Variants in HARS1 observed in about 807,000 individuals in gnomAD.
HARS1 encodes the protein histidine--tRNA ligase, cytoplasmic.
Under a neutral mutation model 63.6 loss-of-function variants are expected in HARS1, and 45 were observed. The observed-to-expected ratio is 0.71, with a 90% CI of 0.56 to 0.91. The LOEUF (loss-of-function observed/expected upper bound fraction) is 0.91. Ranked by LOEUF, HARS1 falls within the 40% of genes least tolerant of loss-of-function variation. The pLI, the probability that HARS1 is intolerant of heterozygous loss-of-function variation, is 0.00. For missense variants in HARS1, 508 were observed against 643.2 expected (o/e 0.79, Z 2.27); for synonymous variants, 205 against 247.1 (o/e 0.83, Z 1.60).
rs762066498 is a variant in HARS1 at position 140,675,112 on chromosome 5, T to C, written c.1216A>G (p.Thr406Ala). 6.2e-7 allele frequency: 1 copy of C among 1,610,964 alleles called. No homozygotes were observed. Among genetic ancestry groups the C allele is most frequent in the Non-Finnish European group, 8.5e-7 (1 of 1,177,304 alleles). ...RLEALEEKIR[T>A]TETQVLVASA... ...GCCACAAGCACCTGTGTCTCCGTGG[T>C]CCGTATCTTCTCCTCCAAAGCCTGG... Residue 406 changes from threonine (T) to alanine (A), a missense_variant, in exon 11 of 13, where the codon ACC (threonine) becomes GCC (alanine). Physicochemically the swap from Thr to Ala is moderately conservative, Grantham distance 58. Transcript: ENST00000504156.
rs937424633 is a variant in HARS1, at chr5:140,679,497, G to T, written c.396+291C>A. The T allele has an allele frequency of 3.3e-5, 14 of 418,248 alleles. No homozygotes were observed. The highest frequency in any genetic ancestry group is 3.3e-4 in the Admixed American group (8 of 24,152). 25.9% of individuals were successfully genotyped at this position (418,248 alleles called of 1,614,324 possible). On this transcript the variant is annotated intron_variant, in intron 4 of 12. Transcript: ENST00000504156. The surrounding 1 kb of genome is among the most constrained non-coding windows in gnomAD (Gnocchi z 4.3). The stretch of plus-strand genomic sequence containing the variant: ...GGGAAATGTGTTGCTAGTCCATTAA[G>T]AAGAATTTTGTTCACTGGACAGGGC...
chr5:140,679,463 T>C lies in HARS1; in HGVS notation c.396+325A>G, dbSNP rs1758589015. 5.0e-6 allele frequency: 2 copies of C among 403,110 alleles called. No homozygotes were observed. Among genetic ancestry groups the C allele is most frequent in the Non-Finnish European group, 8.8e-6 (2 of 226,694 alleles). 25.0% of individuals were successfully genotyped at this position (403,110 alleles called of 1,614,324 possible). A position where few individuals can be genotyped will look rare whatever the true frequency, so the allele number is the denominator to read the frequency against. On this transcript the variant is annotated intron_variant, in intron 4 of 12. Coordinates refer to ENST00000504156, the MANE Select transcript of HARS1 (RefSeq NM_002109.6). This position sits in a 1 kb window ranked among gnomAD's most constrained non-coding sequence, Gnocchi z 4.3. ...TAAGCAGATGATTCTCTGTGTAGCT[T>C]GGAGACAAGGGAAATGTGTTGCTAG...
chr5:140,685,667 G>T (rs1758982193), intron 2 of HARS1, among the ~76,000 whole-genome samples: 1 of 149,238 alleles, frequency 6.7e-6, no homozygotes, highest in African/African-American at 2.5e-5. Context: ...GCTGCAGTGA[G>T]CCAAGGTCAT....
chr5:140,682,872 C>A, intron 3 of HARS1: 1 of 470,590 alleles, frequency 2.1e-6, no homozygotes, highest in Non-Finnish European at 3.8e-6. Flanking sequence ...GAACAATTAC[C>A]ATTCCAAAGA....
chr5:140,691,367 G>C lies in HARS1; in HGVS notation c.-63C>G. On this transcript the variant is annotated 5_prime_UTR_variant, in exon 1 of 13. Transcript: ENST00000504156. ...GCGGTGGTTGCCCCAGCCTCAGCAA[G>C]GATGACTTCCGGCTATCGAGTCGCT... 1 of 1,275,444 alleles carries C rather than the reference G, an allele frequency of 7.8e-7. No homozygotes were observed. The highest frequency in any genetic ancestry group is 1.1e-6 in the Non-Finnish European group (1 of 913,322). The allele number at this position is 1,275,444 out of a possible 1,614,324, so 79.0% of individuals were successfully genotyped here.
Position 140,679,797 on chromosome 5 carries a change from A to G in HARS1, c.387T>C (p.Tyr129=), listed in dbSNP as rs1222947442. The change falls in exon 4 of 13, where the codon TAT becomes TAC. Residue 129 remains tyrosine (Y), a synonymous_variant. Transcript: ENST00000504156. This position sits in a 1 kb window ranked among gnomAD's most constrained non-coding sequence, Gnocchi z 4.3. The stretch of plus-strand genomic sequence containing the variant: ...AAGTTTAGAAAGATACAGTGAGGTC[A>G]TAGCGAAGGGACAGGAGCTCCCCGC... The part of the protein sequence containing the change: ...DQGGELLSLR[Y]DLTVPFARYL... The G allele has an allele frequency of 6.3e-7, 1 of 1,583,152 alleles. No individual in the cohort carries two copies. The highest frequency in any genetic ancestry group is 8.7e-7 in the Non-Finnish European group (1 of 1,152,642).
At chr5:140,690,828 A>G (rs1381461355) in intron 2 of HARS1, 27 bp downstream of exon 2, 1 of 1,265,300 alleles carries the variant, frequency 7.9e-7, no homozygotes, top group South Asian at 1.2e-5. Context: ...AGACTTTCTC[A>G]GTGGCTCCCT....
intron 7 of HARS1, 49 bp from the exon 8 acceptor site, chr5:140,677,469 C>G (rs373483955): frequency 7.1e-7 from 1 of 1,408,438 alleles, no homozygotes; most frequent in African/African-American, 1.4e-5. Flanking sequence ...TTCCGCACCA[C>G]AGAGCAAGTG....
At chr5:140,684,319 CCAAA>C (rs764735745) in intron 2 of HARS1, 128 of 976,614 alleles carry the variant, frequency 1.3e-4, no homozygotes, top group Admixed American at 2.5e-4. Context: ...ACAAACCCAA[CCAAA>C]CAAACAAAAA....
Position 140,673,915 on chromosome 5 carries a change from A to G in HARS1, c.*342T>C. 1 of 557,728 alleles carries G rather than the reference A, an allele frequency of 1.8e-6. No homozygotes were observed. Among genetic ancestry groups the G allele is most frequent in the Non-Finnish European group, 3.2e-6 (1 of 311,646 alleles). The allele number at this position is 557,728 out of a possible 1,614,324, so 34.5% of individuals were successfully genotyped here. On this transcript the variant is annotated 3_prime_UTR_variant, in exon 13 of 13. Coordinates refer to ENST00000504156, the MANE Select transcript of HARS1 (RefSeq NM_002109.6). Reference sequence around the variant, plus strand: ...CTGACACACGCAGACTCCGTGGTTGAGGCATTTTATTGGACCTTTGGCAAT... The same window carrying G: ...CTGACACACGCAGACTCCGTGGTTGGGGCATTTTATTGGACCTTTGGCAAT...
chr5:140,691,344 G>T lies in HARS1; in HGVS notation c.-40C>A. On this transcript the variant is annotated 5_prime_UTR_variant, in exon 1 of 13. Coordinates refer to ENST00000504156, the MANE Select transcript of HARS1 (RefSeq NM_002109.6). ...TGAGCCGCCTGCTGTCTCGACCTGC[G>T]GTGGTTGCCCCAGCCTCAGCAAGGA... 1 of 1,490,782 alleles carries T rather than the reference G, an allele frequency of 6.7e-7. No individual in the cohort carries two copies. The highest frequency in any genetic ancestry group is 1.8e-5 in the Admixed American group (1 of 55,548). 92.3% of individuals were successfully genotyped at this position (1,490,782 alleles called of 1,614,324 possible).
At position 140,676,968 on chromosome 5, in the gene HARS1, C is replaced by T. The variant is rs746068583; in HGVS notation, c.951+21G>A. ...TGAAGCCCCAGAGCTCAGAAGGGAT[C>T]CCGTCCCCAACTTGACTCACTTTGT... On this transcript the variant is annotated intron_variant, in intron 9 of 12. Coordinates refer to ENST00000504156, the MANE Select transcript of HARS1 (RefSeq NM_002109.6). This position sits in a 1 kb window ranked among gnomAD's most constrained non-coding sequence, Gnocchi z 4.1. 1.2e-6 allele frequency: 2 copies of T among 1,614,224 alleles called. No individual in the cohort carries two copies. Among genetic ancestry groups the T allele is most frequent in the East Asian group, 4.5e-5 (2 of 44,890 alleles).
intron 2 of HARS1, among the ~76,000 whole-genome samples, chr5:140,689,795 A>C (rs148532075): frequency 5.8e-4 from 89 of 152,364 alleles, no homozygotes; most frequent in Non-Finnish European, 1.1e-3. Flanking sequence ...AAGTGCCAAG[A>C]GCACCTAGAT....
rs1205853403 is a variant in HARS1, at chr5:140,679,733, G to A, written c.396+55C>T. 8 of 875,078 alleles carry A rather than the reference G, an allele frequency of 9.1e-6. No individual in the cohort carries two copies. The highest frequency in any genetic ancestry group is 1.4e-5 in the South Asian group (1 of 70,368). 54.2% of individuals were successfully genotyped at this position (875,078 alleles called of 1,614,324 possible). A position where few individuals can be genotyped will look rare whatever the true frequency, so the allele number is the denominator to read the frequency against. On this transcript the variant is annotated intron_variant, in intron 4 of 12. Coordinates refer to ENST00000504156, the MANE Select transcript of HARS1 (RefSeq NM_002109.6). This position sits in a 1 kb window ranked among gnomAD's most constrained non-coding sequence, Gnocchi z 4.3. ...CCTACTCTACCATTCTTAAACCTGA[G>A]CCAAGTGAGTGCCAATCCATCCAAA...
At chr5:140,688,365 T>A (rs1759172797) in intron 2 of HARS1, among the ~76,000 whole-genome samples, 1 of 152,122 alleles carries the variant, frequency 6.6e-6, no homozygotes, top group Non-Finnish European at 1.5e-5. Context: ...CATCTGCTAT[T>A]CTTATTTCAT....
chr5:140,681,030 A>C (rs1415618446), intron 3 of HARS1, among the ~76,000 whole-genome samples: 2 of 152,172 alleles, frequency 1.3e-5, no homozygotes, highest in African/African-American at 4.8e-5. Context: ...GAATGTCTTA[A>C]GGGCATTACA....
intron 3 of HARS1, 152 bp downstream of exon 3, chr5:140,682,948 G>A (rs1581516086): frequency 4.6e-6 from 3 of 658,102 alleles, no homozygotes; most frequent in East Asian, 5.3e-5. Context: ...CTCCCTCCAA[G>A]CCATTCTTGT....
intron 2 of HARS1, among the ~76,000 whole-genome samples, chr5:140,688,559 C>T (rs755982002): frequency 2.0e-4 from 31 of 152,276 alleles, no homozygotes; most frequent in Admixed American, 1.1e-3. Flanking sequence ...AATGCTAAGC[C>T]ATGGTCAGTT....
At chr5:140,683,522 C>T in intron 2 of HARS1, 1 of 1,116,864 alleles carries the variant, frequency 9.0e-7, no homozygotes, top group Non-Finnish European at 1.1e-6. Context: ...CAGAACATTT[C>T]CTGGCCTAAT....
Sources: allele counts gnomAD v4.1 joint callset (sites outside exome capture counted in the v4.1 genomes callset), GRCh38; gene constraint gnomAD v4.1.1; non-coding constraint Gnocchi (gnomAD v3.1); transcripts MANE v1.5; gene names NCBI Gene and HGNC (gene_info 2026-07-23, HGNC 2026-07-21).